Variants in SPIDR observed in about 807,000 individuals in gnomAD.
SPIDR encodes the protein DNA repair-scaffolding protein.
SPIDR carries 93 observed loss-of-function variants against 104.6 expected under a neutral mutation model. That is an observed-to-expected ratio of 0.89 (90% confidence interval 0.75 to 1.06). The LOEUF is 1.06. Among genes scored for constraint, SPIDR ranks in the 50% least tolerant of loss-of-function variants. The pLI, the probability that SPIDR is intolerant of heterozygous loss-of-function variation, is 0.00. For missense variants in SPIDR, 1,154 were observed against 1,111.2 expected (o/e 1.04, Z -0.55); for synonymous variants, 431 against 416.9 (o/e 1.03, Z -0.41).
chr8:47,438,896 GAAATAGATGATTA>G (rs1461299303), intron 7 of SPIDR, among the ~76,000 whole-genome samples: 2 of 152,234 alleles, frequency 1.3e-5, no homozygotes, highest in Admixed American at 6.5e-5. Flanking sequence ...GAGGGAGAAA[GAAATAGATGATTA>G]AAATCTTAGC....
At chr8:47,548,325 A>G (rs1474322777) in intron 8 of SPIDR, among the ~76,000 whole-genome samples, 1 of 152,364 alleles carries the variant, frequency 6.6e-6, no homozygotes, top group East Asian at 1.9e-4. Context: ...GGAAGAAAAT[A>G]GAATAAATAG....
intron 5 of SPIDR, among the ~76,000 whole-genome samples, chr8:47,385,652 G>C (rs2059809703): frequency 1.3e-5 from 2 of 152,216 alleles, no homozygotes; most frequent in Non-Finnish European, 2.9e-5. Context: ...TGTATTGGTA[G>C]TTTGTATCAC....
intron 5 of SPIDR, among the ~76,000 whole-genome samples, chr8:47,372,517 T>C (rs1331540975): frequency 6.6e-6 from 1 of 152,004 alleles, no homozygotes; most frequent in Admixed American, 6.6e-5. Context: ...TCCCAGCTAC[T>C]TGGGAAGCTG....
chr8:47,310,325 C>A (rs1321512901), intron 5 of SPIDR, among the ~76,000 whole-genome samples: 1 of 141,538 alleles, frequency 7.1e-6, no homozygotes, highest in Non-Finnish European at 1.5e-5. Flanking sequence ...CAGAACGAGA[C>A]TCCATCTCAA....
At chr8:47,304,457 A>G (rs1298738139) in intron 5 of SPIDR, among the ~76,000 whole-genome samples, 1 of 152,172 alleles carries the variant, frequency 6.6e-6, no homozygotes, top group Non-Finnish European at 1.5e-5. Flanking sequence ...AGTTGAGCCC[A>G]GGAGTTTGAG....
At chr8:47,561,273 AT>A in intron 8 of SPIDR, among the ~76,000 whole-genome samples, 1 of 152,342 alleles carries the variant, frequency 6.6e-6, no homozygotes, top group African/African-American at 2.4e-5. Context: ...GTATTTCTCA[AT>A]TAGAGTATTG....
chr8:47,380,265 C>T (rs1234135352), intron 5 of SPIDR, among the ~76,000 whole-genome samples: 13 of 152,232 alleles, frequency 8.5e-5, no homozygotes, highest in African/African-American at 3.1e-4. Context: ...GACTCACACT[C>T]ACTGAGCAGG....
At chr8:47,283,962 ATATTT>A in intron 2 of SPIDR, 61 bp from the exon 3 acceptor site, 1 of 1,219,036 alleles carries the variant, frequency 8.2e-7, no homozygotes, top group Non-Finnish European at 1.2e-6. Flanking sequence ...AAGATTTTGA[ATATTT>A]TATAAAAGTT....
chr8:47,567,704 A>G (rs924244255), intron 8 of SPIDR, among the ~76,000 whole-genome samples: 6 of 151,912 alleles, frequency 3.9e-5, no homozygotes, highest in Non-Finnish European at 8.8e-5. Flanking sequence ...TTTGCCATTA[A>G]CAGACCGTAT....
intron 8 of SPIDR, among the ~76,000 whole-genome samples, chr8:47,510,651 T>C (rs1268789452): frequency 6.6e-6 from 1 of 152,142 alleles, no homozygotes; most frequent in Non-Finnish European, 1.5e-5. Context: ...ACAAATATAC[T>C]TGTTGAATTG....
Position 47,728,993 on chromosome 8 carries a change from C to T in SPIDR, c.2496C>T (p.His832=). The stretch of plus-strand genomic sequence containing the variant: ...TCACATCTCCTGTTCTCAAGAGGCA[C>T]CTGCAGGTCTTCCTGGACTGCCGCT... ...RVVTSPVLKR[H]LQVFLDCRSR... is the part of the protein sequence containing the mutation. Residue 832 remains histidine (H), a synonymous_variant, in exon 18 of 20, where the codon CAC becomes CAT. Coordinates refer to ENST00000297423, the MANE Select transcript of SPIDR (RefSeq NM_001080394.4). The T allele has an allele frequency of 6.2e-7, 1 of 1,613,982 alleles. No individual in the cohort carries two copies. Among genetic ancestry groups the T allele is most frequent in the Non-Finnish European group, 8.5e-7 (1 of 1,180,050 alleles).
chr8:47,321,750 T>G (rs1204625678), intron 5 of SPIDR, among the ~76,000 whole-genome samples: 1 of 152,024 alleles, frequency 6.6e-6, no homozygotes, highest in Non-Finnish European at 1.5e-5. Flanking sequence ...AACAGAGATA[T>G]AGAACAATGG....
chr8:47,446,281 A>G (rs535855769), intron 8 of SPIDR, among the ~76,000 whole-genome samples: 2 of 152,228 alleles, frequency 1.3e-5, no homozygotes, highest in Non-Finnish European at 2.9e-5. Context: ...ATTATGCTAA[A>G]TCTACTCGCT....
chr8:47,589,414 C>T (rs555177078), intron 8 of SPIDR, among the ~76,000 whole-genome samples: 4 of 151,412 alleles, frequency 2.6e-5, no homozygotes, highest in Non-Finnish European at 4.4e-5. Flanking sequence ...CCCAGCTACT[C>T]GGGAGGCTGA....
intron 8 of SPIDR, among the ~76,000 whole-genome samples, chr8:47,502,724 A>G (rs954578964): frequency 6.6e-6 from 1 of 151,970 alleles, no homozygotes; most frequent in South Asian, 2.1e-4. Context: ...TTTAATTTTG[A>G]TGTTAGGGTG....
chr8:47,418,519 GC>G (rs754430925), intron 7 of SPIDR, among the ~76,000 whole-genome samples: 1 of 152,140 alleles, frequency 6.6e-6, no homozygotes. Flanking sequence ...GAGATTTTGG[GC>G]TGAGACGATG....
At chr8:47,722,108 A>T (rs2083488541) in intron 16 of SPIDR, among the ~76,000 whole-genome samples, 1 of 152,118 alleles carries the variant, frequency 6.6e-6, no homozygotes, top group African/African-American at 2.4e-5. Context: ...ATTTTGTTAG[A>T]TTTATACCTA....
intron 11 of SPIDR, among the ~76,000 whole-genome samples, chr8:47,691,216 A>G (rs1024520455): frequency 6.8e-6 from 1 of 147,080 alleles, no homozygotes; most frequent in African/African-American, 2.5e-5. Context: ...ACTTAAACCT[A>G]GGAGGCGGAG....
chr8:47,634,226 G>A (rs1339816183), intron 10 of SPIDR, among the ~76,000 whole-genome samples: 1 of 152,170 alleles, frequency 6.6e-6, no homozygotes, highest in Non-Finnish European at 1.5e-5. Context: ...AGGCCAGGGT[G>A]GATGGATCAC....
Sources: allele counts gnomAD v4.1 joint callset (sites outside exome capture counted in the v4.1 genomes callset), GRCh38; gene constraint gnomAD v4.1.1; transcripts MANE v1.5; gene names NCBI Gene and HGNC (gene_info 2026-07-23, HGNC 2026-07-21).